LINGO2: variants seen among roughly 807,000 people sequenced by gnomAD.
LINGO2 encodes the protein leucine rich repeat and Ig domain containing 2.
In LINGO2, 14 loss-of-function variants were observed where a neutral mutation model predicts 30.6. The observed-to-expected ratio is 0.46, with a 90% CI of 0.30 to 0.72. The LOEUF (loss-of-function observed/expected upper bound fraction) is 0.72, where lower values mean the gene tolerates loss of function less well. Among genes scored for constraint, LINGO2 ranks in the 30% least tolerant of loss-of-function variants. The pLI is 0.07. For synonymous variants in LINGO2, 317 were observed against 288.5 expected, an observed-to-expected ratio of 1.10 and a Z score of -1.00; for missense variants, 729 against 751.7, an observed-to-expected ratio of 0.97 and a Z score of 0.35.
At chr9:28,733,803 G>C in the LINGO2 span, among the ~76,000 whole-genome samples, 4 of 151,820 alleles carry the variant, frequency 2.6e-5, no homozygotes, top group African/African-American at 9.7e-5. Context: ...TTCACCATCT[G>C]CCCTTCAAAA....
At chr9:28,941,421 CACAAGTGTCT>C in the LINGO2 span, among the ~76,000 whole-genome samples, 1 of 152,082 alleles carries the variant, frequency 6.6e-6, no homozygotes, top group Non-Finnish European at 1.5e-5. Flanking sequence ...ATGATAGTAC[CACAAGTGTCT>C]CCTTGGCATT....
In LINGO2 at chr9:28,243,167, C is replaced by T. The variant is rs112756524; in HGVS notation, c.-87+52041G>A. ...TGGTCTAAATGCCCCAGTTAAAAGACACGGACTAGGCTGGGTGTGGTAGCT... is the reference window on the plus strand; with the variant it reads ...TGGTCTAAATGCCCCAGTTAAAAGATACGGACTAGGCTGGGTGTGGTAGCT... On this transcript the variant is annotated intron_variant, in intron 4 of 5. Transcript: ENST00000379992. Among the ~76,000 whole-genome samples the T allele has an allele frequency of 6.1e-3, 924 of 152,106 alleles. 9 individuals carry two copies. The highest frequency in any genetic ancestry group is 0.021 in the African/African-American group (879 of 41,498).
chr9:28,093,341 C>A (rs1414900350), intron 4 of LINGO2, among the ~76,000 whole-genome samples: 2 of 151,998 alleles, frequency 1.3e-5, no homozygotes, highest in Non-Finnish European at 2.9e-5. Flanking sequence ...TGACAAGGAG[C>A]AAAGGTTTCT....
chr9:28,569,717 A>G (rs981310700), intron 1 of LINGO2, among the ~76,000 whole-genome samples: 1 of 151,982 alleles, frequency 6.6e-6, no homozygotes, highest in Non-Finnish European at 1.5e-5. Flanking sequence ...CAGCATGGTT[A>G]CTATAGTTAA....
intron 1 of LINGO2, among the ~76,000 whole-genome samples, chr9:28,536,869 G>C (rs1190884097): frequency 6.6e-6 from 1 of 152,022 alleles, no homozygotes. Context: ...GGTTTGACTT[G>C]TGACCCCCTC....
At chr9:28,951,431 T>C in the LINGO2 span, among the ~76,000 whole-genome samples, 2 of 152,108 alleles carry the variant, frequency 1.3e-5, no homozygotes, top group African/African-American at 4.8e-5. Flanking sequence ...AAGAGGCTTA[T>C]TCTTTCCTGT....
intron 1 of LINGO2, among the ~76,000 whole-genome samples, chr9:28,666,285 C>A (rs1336862990): frequency 2.0e-5 from 3 of 152,008 alleles, no homozygotes; most frequent in Admixed American, 2.0e-4. Context: ...AGAATATATA[C>A]CTGAACATGC....
the LINGO2 span, among the ~76,000 whole-genome samples, chr9:29,001,101 G>GTT: frequency 2.0e-5 from 3 of 151,766 alleles, no homozygotes; most frequent in African/African-American, 7.3e-5. Flanking sequence ...ATGTGTGTGT[G>GTT]TGTGAACGTG....
At chr9:28,415,880 T>A (rs1440663697) in intron 2 of LINGO2, among the ~76,000 whole-genome samples, 1 of 152,164 alleles carries the variant, frequency 6.6e-6, no homozygotes, top group African/African-American at 2.4e-5. Context: ...ATAATATCTT[T>A]TTAGTATATT....
In LINGO2 at chr9:28,581,703, A is replaced by C. The variant is rs73644078; in HGVS notation, c.-365+88497T>G. On this transcript the variant is annotated intron_variant, in intron 1 of 5. Coordinates refer to ENST00000379992, the Ensembl canonical transcript of LINGO2. The stretch of plus-strand genomic sequence containing the variant: ...GTAAATATACATAAACACACACACA[A>C]GAATGCATCTATTCTGCTGAGATAT... 9.8e-3 allele frequency among the ~76,000 whole-genome samples: 1,489 copies of C among 151,970 alleles called. 28 individuals carry two copies. The highest frequency in any genetic ancestry group is 0.032 in the African/African-American group (1,317 of 41,518).
the LINGO2 span, among the ~76,000 whole-genome samples, chr9:29,044,352 T>C: frequency 6.6e-6 from 1 of 152,024 alleles, no homozygotes; most frequent in Non-Finnish European, 1.5e-5. Flanking sequence ...TATGATTTTG[T>C]ATACTCTGAC....
At chr9:28,581,461 G>C (rs2135653924) in intron 1 of LINGO2, among the ~76,000 whole-genome samples, 1 of 150,686 alleles carries the variant, frequency 6.6e-6, no homozygotes, top group East Asian at 2.0e-4. Flanking sequence ...TTTTTAAAAA[G>C]GAAAATCCAA....
At chr9:29,110,018 G>T in the LINGO2 span, among the ~76,000 whole-genome samples, 1 of 152,078 alleles carries the variant, frequency 6.6e-6, no homozygotes, top group Non-Finnish European at 1.5e-5. Context: ...GAAGAATTTA[G>T]GATTATCAGA....
chr9:28,707,222 A>G, the LINGO2 span, among the ~76,000 whole-genome samples: 1 of 152,140 alleles, frequency 6.6e-6, no homozygotes, highest in Non-Finnish European at 1.5e-5. Context: ...TGAAATCATT[A>G]CATCTTCCAG....
intron 1 of LINGO2, among the ~76,000 whole-genome samples, chr9:28,516,852 T>C (rs567329412): frequency 5.1e-4 from 78 of 152,298 alleles, no homozygotes; most frequent in Admixed American, 1.2e-3. Flanking sequence ...CCAGACTCTA[T>C]GAGATATCTG....
At chr9:28,549,457 A>G (rs2135494834) in intron 1 of LINGO2, among the ~76,000 whole-genome samples, 1 of 152,108 alleles carries the variant, frequency 6.6e-6, no homozygotes, top group South Asian at 2.1e-4. Context: ...GCATGTGCTC[A>G]GTGGTTTACG....
intron 4 of LINGO2, among the ~76,000 whole-genome samples, chr9:28,053,880 G>A (rs6476034): frequency 6.6e-6 from 1 of 151,904 alleles, no homozygotes; most frequent in East Asian, 1.9e-4. Context: ...TGCTTTGTTT[G>A]TCTTATCAAT....
At chr9:29,120,347 G>T in the LINGO2 span, among the ~76,000 whole-genome samples, 2 of 152,170 alleles carry the variant, frequency 1.3e-5, no homozygotes, top group Middle Eastern at 3.4e-3. Context: ...AAAAATGAAA[G>T]GAACATGTCA....
chr9:27,983,602 A>C (rs1820986416), intron 5 of LINGO2, among the ~76,000 whole-genome samples: 1 of 151,848 alleles, frequency 6.6e-6, no homozygotes, highest in Non-Finnish European at 1.5e-5. Flanking sequence ...GTATCTTACT[A>C]TGAAAAGCCT....
Sources: gnomAD v4.1 joint callset for allele counts (sites outside exome capture counted in the v4.1 genomes callset) on GRCh38, gnomAD v4.1.1 for gene constraint, MANE v1.5 for transcripts, NCBI Gene and HGNC (gene_info 2026-07-23, HGNC 2026-07-21) for gene names.